The following CALN1 variants were observed in gnomAD, a reference collection of about 807,000 sequenced individuals.
The protein encoded by CALN1 is calneuron 1, also known as calcium-binding protein 8.
CALN1 carries 17 observed loss-of-function variants against 30.6 expected under a neutral mutation model. That is an observed-to-expected ratio of 0.56 (90% CI 0.38 to 0.83). The LOEUF (loss-of-function observed/expected upper bound fraction) is 0.83, where lower values mean the gene tolerates loss of function less well. Ranked by LOEUF, CALN1 falls within the 40% of genes least tolerant of loss-of-function variation. The pLI is 0.00. For synonymous variants in CALN1, 156 were observed against 131.4 expected, an observed-to-expected ratio of 1.19 and a Z score of -1.28; for missense variants, 291 against 354.9, an observed-to-expected ratio of 0.82 and a Z score of 1.45.
chr7:72,224,873 G>T (rs1186911014), intron 3 of CALN1, among the ~76,000 whole-genome samples: 1 of 151,944 alleles, frequency 6.6e-6, no homozygotes, highest in Non-Finnish European at 1.5e-5. Flanking sequence ...TGAATCACGA[G>T]GTCAGGAGAT....
intron 5 of CALN1, among the ~76,000 whole-genome samples, chr7:71,967,217 G>A (rs1797570507): frequency 6.6e-6 from 1 of 152,000 alleles, no homozygotes; most frequent in Admixed American, 6.6e-5. Flanking sequence ...GAATAATGAA[G>A]GAGAGAAATA....
At chr7:72,013,881 T>C (rs1055682504) in intron 5 of CALN1, among the ~76,000 whole-genome samples, 3 of 152,092 alleles carry the variant, frequency 2.0e-5, no homozygotes, top group South Asian at 2.1e-4. Flanking sequence ...ACTGATTTTA[T>C]ATGGTAGATT....
chr7:71,828,085 C>T (rs545808891), intron 5 of CALN1, among the ~76,000 whole-genome samples: 4 of 152,178 alleles, frequency 2.6e-5, no homozygotes, highest in Admixed American at 6.5e-5. Context: ...TGCATTTCCT[C>T]GGGTAAAATT....
At chr7:72,236,035 G>A (rs1794455212) in intron 3 of CALN1, among the ~76,000 whole-genome samples, 1 of 146,726 alleles carries the variant, frequency 6.8e-6, no homozygotes, top group Admixed American at 6.9e-5. Flanking sequence ...TTTGAGCCCA[G>A]GAGTTCGAGA....
At chr7:72,268,406 G>A (rs1018594064) in intron 3 of CALN1, among the ~76,000 whole-genome samples, 4 of 152,224 alleles carry the variant, frequency 2.6e-5, no homozygotes, top group Admixed American at 2.0e-4. Flanking sequence ...TAACATGGCT[G>A]TAGGCTGTAG....
In CALN1 at chr7:71,963,847, T is replaced by C. The variant is rs534333607; in HGVS notation, c.501+59810A>G. ...ATCACCATTTTGCAAATGGGAAAAC[T>C]GAGGCACAAAAATTAAGTAACTCAT... is the stretch of plus-strand genomic sequence containing the variant. On this transcript the variant is annotated intron_variant, in intron 5 of 6. Transcript: ENST00000395275. Among the ~76,000 whole-genome samples, 4 of 152,300 alleles carry C rather than the reference T, an allele frequency of 2.6e-5. No individual in the cohort carries two copies. The South Asian group carries it at 8.3e-4, about 32-fold the overall frequency.
At chr7:72,321,556 G>A (rs761552244) in intron 2 of CALN1, among the ~76,000 whole-genome samples, 3 of 152,264 alleles carry the variant, frequency 2.0e-5, no homozygotes, top group South Asian at 2.1e-4. Flanking sequence ...CTACATCAGC[G>A]TCCCACCTGG....
At chr7:71,943,747 A>C (rs1328606794) in intron 5 of CALN1, among the ~76,000 whole-genome samples, 1 of 152,010 alleles carries the variant, frequency 6.6e-6, no homozygotes, top group Non-Finnish European at 1.5e-5. Context: ...AGGCCAAAAC[A>C]ATGTTTCTCA....
intron 3 of CALN1, among the ~76,000 whole-genome samples, chr7:72,145,744 C>G (rs1372178585): frequency 1.3e-5 from 2 of 151,882 alleles, no homozygotes; most frequent in Non-Finnish European, 2.9e-5. Context: ...CAAACCGAAT[C>G]CAGCAGCACA....
At chr7:71,856,240 C>T (rs1262085326) in intron 5 of CALN1, among the ~76,000 whole-genome samples, 2 of 150,942 alleles carry the variant, frequency 1.3e-5, no homozygotes, top group African/African-American at 4.9e-5. Flanking sequence ...TATATTTAAA[C>T]TCCTGAGCTG....
chr7:72,112,085 C>A (rs1180275947), intron 3 of CALN1, among the ~76,000 whole-genome samples: 1 of 152,218 alleles, frequency 6.6e-6, no homozygotes. Flanking sequence ...GCATTGGGAC[C>A]TAGTGCCCTC....
chr7:72,473,277 T>A, the CALN1 span, among the ~76,000 whole-genome samples: 1 of 152,108 alleles, frequency 6.6e-6, no homozygotes, highest in South Asian at 2.1e-4. Flanking sequence ...CTCTTCACCC[T>A]CAAACAAAGT....
At chr7:71,896,791 CTCATTT>C (rs1170649782) in intron 5 of CALN1, among the ~76,000 whole-genome samples, 1 of 152,174 alleles carries the variant, frequency 6.6e-6, no homozygotes, top group Non-Finnish European at 1.5e-5. Context: ...CACCTCCACT[CTCATTT>C]TAACTTCCTT....
At chr7:71,908,463 C>G (rs1267373724) in intron 5 of CALN1, among the ~76,000 whole-genome samples, 3 of 152,024 alleles carry the variant, frequency 2.0e-5, no homozygotes, top group Admixed American at 6.6e-5. Flanking sequence ...TTCTGAGAAG[C>G]CTGGAGAAAG....
intron 5 of CALN1, among the ~76,000 whole-genome samples, chr7:71,978,259 A>ATTTTTT (rs1584662365): frequency 8.6e-6 from 1 of 115,610 alleles, no homozygotes; most frequent in African/African-American, 3.8e-5. Context: ...ACTCTAGAGA[A>ATTTTTT]TTCTTTTTTT....
At chr7:72,004,803 CA>C (rs1177040537) in intron 5 of CALN1, among the ~76,000 whole-genome samples, 1 of 151,960 alleles carries the variant, frequency 6.6e-6, no homozygotes, top group African/African-American at 2.4e-5. Context: ...AAGAGCAAAA[CA>C]AAACAAAACA....
At chr7:72,461,907 C>A in the CALN1 span, among the ~76,000 whole-genome samples, 5 of 151,892 alleles carry the variant, frequency 3.3e-5, no homozygotes, top group Admixed American at 6.6e-5. Flanking sequence ...ACTAGGGAGG[C>A]GGAGGCAGGA....
intron 4 of CALN1, among the ~76,000 whole-genome samples, chr7:72,034,806 A>AG (rs1166595364): frequency 6.6e-6 from 1 of 150,482 alleles, no homozygotes; most frequent in East Asian, 2.0e-4. Flanking sequence ...AAAAAAAAAA[A>AG]AAAAAAAAAA....
At chr7:72,364,840 G>A (rs903434017) in intron 2 of CALN1, among the ~76,000 whole-genome samples, 1 of 152,176 alleles carries the variant, frequency 6.6e-6, no homozygotes, top group Non-Finnish European at 1.5e-5. Flanking sequence ...TTCGAGATCA[G>A]CCTTGCCAAC....
Sources: gnomAD v4.1 joint callset for allele counts (sites outside exome capture counted in the v4.1 genomes callset) on GRCh38, gnomAD v4.1.1 for gene constraint, MANE v1.5 for transcripts, NCBI Gene and HGNC (gene_info 2026-07-23, HGNC 2026-07-21) for gene names.